Variants in PRKDC observed in about 807,000 individuals in gnomAD.
PRKDC encodes DNA-dependent protein kinase catalytic subunit.
PRKDC carries 82 observed loss-of-function variants against 486.9 expected under a neutral mutation model. The ratio of observed to expected loss-of-function variants is 0.17; its 90% CI spans 0.14 to 0.20. The LOEUF is 0.20. Among genes scored for constraint, PRKDC ranks in the 10% least tolerant of loss-of-function variants. PRKDC has a pLI of 1.00. For missense variants in PRKDC, 4,504 were observed against 5,038.2 expected, an observed-to-expected ratio of 0.89 and a Z score of 3.21; for synonymous variants, 1,895 against 1,837.0, an observed-to-expected ratio of 1.03 and a Z score of -0.81.
intron 23 of PRKDC, among the ~76,000 whole-genome samples, chr8:47,915,016 A>G (rs1196485751): frequency 6.6e-6 from 1 of 152,158 alleles, no homozygotes; most frequent in East Asian, 1.9e-4. Flanking sequence ...AATATTAACA[A>G]TATTGGATCT....
At chr8:47,938,007 C>T (rs933192648) in intron 11 of PRKDC, among the ~76,000 whole-genome samples, 1 of 151,968 alleles carries the variant, frequency 6.6e-6, no homozygotes, top group African/African-American at 2.4e-5. Flanking sequence ...CCCAGTTACT[C>T]GGGAAGTTAA....
Position 47,946,983 on chromosome 8 carries a change from T to TCC in PRKDC, c.722-2956_722-2955dup, listed in dbSNP as rs552829072. Among the ~76,000 whole-genome samples the TCC allele has an allele frequency of 3.9e-5, 6 of 152,228 alleles. No individual in the cohort carries two copies. In the East Asian group the frequency reaches 1.2e-3, roughly 29 times the overall value. On this transcript the variant is annotated intron_variant, in intron 7 of 85. Coordinates refer to ENST00000314191, the MANE Select transcript of PRKDC (RefSeq NM_006904.7). ...CCACTCCTTTTTGAAAAGCTCTGGC[T>TCC]CCCATTCCATCTGGAATGAGATCCC... is the stretch of plus-strand genomic sequence containing the variant.
chr8:47,893,955 G>GTCAGAGATACA (rs2089519862), intron 30 of PRKDC, among the ~76,000 whole-genome samples: 1 of 152,146 alleles, frequency 6.6e-6, no homozygotes, highest in Non-Finnish European at 1.5e-5. Flanking sequence ...CTCTAATGAA[G>GTCAGAGATACA]AATTCAAAAC....
At chr8:47,943,724 T>A in intron 9 of PRKDC, 129 bp downstream of exon 9, 1 of 865,758 alleles carries the variant, frequency 1.2e-6, no homozygotes, top group Non-Finnish European at 1.8e-6. Context: ...AGCCTCCCTG[T>A]AAATAACTGT....
rs1281679440 is a variant in PRKDC at position 47,900,412 on chromosome 8, C to T, written c.3325G>A (p.Glu1109Lys). 6.2e-7 allele frequency: 1 copy of T among 1,611,942 alleles called. No individual in the cohort carries two copies. Residue 1109 changes from glutamate to lysine, a missense_variant, in exon 28 of 86, where the codon GAG becomes AAG. By Grantham distance (56) the Glu-to-Lys change is moderately conservative (BLOSUM62 1). Coordinates refer to ENST00000314191, the MANE Select transcript of PRKDC (RefSeq NM_006904.7). ...FVFEALVIYM[E>K]SLALAHADEK... ...TCTGCATGTGCTAAGGCCAGACTCTCCATGTATATCACCAAGGCTTCAAAC... is the reference window on the plus strand; with the variant it reads ...TCTGCATGTGCTAAGGCCAGACTCTTCATGTATATCACCAAGGCTTCAAAC...
chr8:47,849,501 T>G lies in PRKDC; in HGVS notation c.7008A>C (p.Ile2336=), dbSNP rs1365604690. Residue 2336 remains isoleucine, a splice_region_variant and synonymous_variant, in exon 53 of 86, where the codon ATA becomes ATC. Transcript: ENST00000314191. ...ILRYVMERKN[I]LEESLCELVA... ...CCAGTTCACACAGAGACTCCTCCAG[T>G]ATCTGAAAAATTAAGTTTATTTTCA... is the stretch of plus-strand genomic sequence containing the variant. The G allele has an allele frequency of 1.2e-6, 2 of 1,609,250 alleles. No individual in the cohort carries two copies. The highest frequency in any genetic ancestry group is 2.7e-5 in the African/African-American group (2 of 74,620).
At chr8:47,835,620 CAAA>C (rs71548446) in intron 58 of PRKDC, among the ~76,000 whole-genome samples, 4 of 20,480 alleles carry the variant, frequency 2.0e-4, no homozygotes, top group African/African-American at 6.8e-4. Context: ...GACTCTGTCT[CAAA>C]AAAAAAAAAA....
chr8:47,920,202 CCT>C (rs1021888284), intron 21 of PRKDC, among the ~76,000 whole-genome samples: 9 of 152,168 alleles, frequency 5.9e-5, no homozygotes, highest in South Asian at 2.1e-4. Context: ...CTGTCAGCCC[CCT>C]GATTCACCAC....
chr8:47,801,114 C>CA, intron 70 of PRKDC, 128 bp from the exon 71 acceptor site: 1 of 912,170 alleles, frequency 1.1e-6, no homozygotes, highest in East Asian at 2.7e-5. Flanking sequence ...CTCTGTTACC[C>CA]AGGCTGGAGT....
At chr8:47,871,682 T>C (rs2088956084) in intron 40 of PRKDC, among the ~76,000 whole-genome samples, 2 of 152,196 alleles carry the variant, frequency 1.3e-5, no homozygotes, top group Non-Finnish European at 2.9e-5. Context: ...CACTGCGACC[T>C]CCACCTCCAG....
chr8:47,894,655 G>T (rs1046313986), intron 30 of PRKDC, among the ~76,000 whole-genome samples: 2 of 152,086 alleles, frequency 1.3e-5, no homozygotes, highest in African/African-American at 4.8e-5. Context: ...TGTCTCTCTT[G>T]GACACATGTC....
intron 22 of PRKDC, 75 bp from the exon 23 acceptor site, chr8:47,915,493 C>A: frequency 1.1e-6 from 1 of 893,440 alleles, no homozygotes; most frequent in Non-Finnish European, 1.7e-6. Context: ...GGAAAAAACT[C>A]TTTGCCACCC....
At chr8:47,859,785 A>T in intron 45 of PRKDC, 26 bp from the exon 46 acceptor site, 1 of 1,579,508 alleles carries the variant, frequency 6.3e-7, no homozygotes, top group Non-Finnish European at 8.7e-7. Context: ...GGAGAAAATT[A>T]CATGTATTCA....
chr8:47,935,745 G>C lies in PRKDC; in HGVS notation c.1434C>G (p.Cys478Trp), dbSNP rs569411627. 6.2e-7 allele frequency: 1 copy of C among 1,613,706 alleles called. No homozygotes were observed. The highest frequency in any genetic ancestry group is 8.5e-7 in the Non-Finnish European group (1 of 1,179,796). ...LAAKGPVLRN[C>W]ISTVVHQGLI... ...TTGCAAACTTACCCACAGTACTAAT[G>C]CAATTCCTGAGAACTGGCCCTTTTG... The change falls in exon 13 of 86, where the codon TGC (cysteine) becomes TGG (tryptophan). Residue 478 changes from cysteine (C) to tryptophan (W), a missense_variant. Cys to Trp is a radical substitution (Grantham distance 215). This residue lies in a region of PRKDC where 1,969 missense variants were observed against 2,068.9 expected (regional missense o/e 0.95). Transcript: ENST00000314191.
intron 63 of PRKDC, 99 bp from the exon 64 acceptor site, chr8:47,824,095 T>C (rs1038925022): frequency 3.8e-5 from 45 of 1,183,198 alleles, no homozygotes; most frequent in Non-Finnish European, 4.8e-5. Flanking sequence ...CCACACATTA[T>C]ATTAACAAGA....
At chr8:47,904,382 C>G (rs962648782) in intron 26 of PRKDC, among the ~76,000 whole-genome samples, 1 of 152,164 alleles carries the variant, frequency 6.6e-6, no homozygotes, top group Non-Finnish European at 1.5e-5. Flanking sequence ...AGCCACCTGG[C>G]GAGCTGGCAC....
intron 40 of PRKDC, among the ~76,000 whole-genome samples, chr8:47,871,717 G>A (rs1233018096): frequency 3.3e-5 from 5 of 152,176 alleles, no homozygotes; most frequent in African/African-American, 1.2e-4. Context: ...TCCTGCCTCA[G>A]CCTTCTGAGT....
chr8:47,833,163 G>A (rs1003112516), intron 59 of PRKDC, among the ~76,000 whole-genome samples: 22 of 152,220 alleles, frequency 1.4e-4, no homozygotes, highest in Admixed American at 6.5e-4. Flanking sequence ...GGGCCACACT[G>A]ACCTCTCCAG....
intron 11 of PRKDC, 132 bp from the exon 12 acceptor site, chr8:47,936,649 C>A: frequency 9.6e-7 from 1 of 1,036,722 alleles, no homozygotes; most frequent in Non-Finnish European, 1.4e-6. Flanking sequence ...GACGAAGTTT[C>A]GCTCTTGTCC....
Sources: allele counts gnomAD v4.1 joint callset (sites outside exome capture counted in the v4.1 genomes callset), GRCh38; gene constraint gnomAD v4.1.1; regional missense constraint gnomAD v4.1.1; transcripts MANE v1.5; gene names NCBI Gene and HGNC (gene_info 2026-07-23, HGNC 2026-07-21).